BCAR3: variants seen among roughly 807,000 people sequenced by gnomAD.
BCAR3 encodes the protein BCAR3 adaptor protein, NSP family member.
In BCAR3, 37 loss-of-function variants were observed where a neutral mutation model predicts 80.1. That is an observed-to-expected ratio of 0.46 (90% CI 0.36 to 0.61). BCAR3 has a LOEUF of 0.61. Ranked by LOEUF, BCAR3 falls within the 20% of genes least tolerant of loss-of-function variation. BCAR3 has a pLI of 0.00. For missense variants in BCAR3, 978 were observed against 1,068.2 expected (o/e 0.92, Z 1.18); for synonymous variants, 389 against 418.9 (o/e 0.93, Z 0.87).
chr1:93,755,355 A>T (rs535356690), intron 2 of BCAR3, among the ~76,000 whole-genome samples: 35 of 152,100 alleles, frequency 2.3e-4, no homozygotes, highest in Non-Finnish European at 4.6e-4. Flanking sequence ...CTTCACATTC[A>T]CTCACCACTC....
At position 93,788,504 on chromosome 1, in the gene BCAR3, G is replaced by T. The variant is rs374173381; in HGVS notation, c.-63+57063C>A. The stretch of plus-strand genomic sequence containing the variant: ...TAGCATTTCTTATAGCAGTGGTTTG[G>T]TAGTGGCAAATTCTTTCAGCATTTG... On this transcript the variant is annotated intron_variant, in intron 2 of 13. Transcript: ENST00000370244. Among the ~76,000 whole-genome samples the T allele has an allele frequency of 2.6e-4, 40 of 152,278 alleles. 3 individuals carry two copies. Among genetic ancestry groups the T allele is most frequent in the Admixed American group, 1.2e-3 (19 of 15,304 alleles).
intron 2 of BCAR3, among the ~76,000 whole-genome samples, chr1:93,778,964 G>A (rs1256058209): frequency 6.6e-6 from 1 of 152,134 alleles, no homozygotes; most frequent in African/African-American, 2.4e-5. Context: ...GTGGGGTCAT[G>A]GTAGGAGCTC....
At chr1:93,703,024 C>T (rs980086037) in intron 3 of BCAR3, among the ~76,000 whole-genome samples, 4 of 152,144 alleles carry the variant, frequency 2.6e-5, no homozygotes, top group Non-Finnish European at 4.4e-5. Context: ...GCCACCGCGG[C>T]CTGTGCTAGG....
intron 2 of BCAR3, among the ~76,000 whole-genome samples, chr1:93,829,105 A>T (rs1474309042): frequency 6.6e-6 from 1 of 152,180 alleles, no homozygotes; most frequent in African/African-American, 2.4e-5. Flanking sequence ...CAGGTCACCC[A>T]AAAGAGGGTC....
chr1:93,771,801 G>A (rs1652364370), intron 2 of BCAR3, among the ~76,000 whole-genome samples: 3 of 152,110 alleles, frequency 2.0e-5, no homozygotes, highest in Admixed American at 6.5e-5. Flanking sequence ...TGCTCCTTGG[G>A]TCACCAGGAA....
At chr1:93,683,238 T>C (rs2101958216), upstream of BCAR3, among the ~76,000 whole-genome samples, 1 of 152,294 alleles carries the variant, frequency 6.6e-6, no homozygotes, top group South Asian at 2.1e-4. Context: ...AATAAACATA[T>C]GGAAAATATC....
intron 4 of BCAR3, among the ~76,000 whole-genome samples, chr1:93,591,796 G>C (rs1213788891): frequency 6.6e-6 from 1 of 152,198 alleles, no homozygotes; most frequent in African/African-American, 2.4e-5. Flanking sequence ...TGGAGAGTGT[G>C]AATAACTGCC....
intron 2 of BCAR3, among the ~76,000 whole-genome samples, chr1:93,831,674 A>G (rs1021684647): frequency 6.6e-6 from 1 of 151,312 alleles, no homozygotes; most frequent in Admixed American, 6.6e-5. Context: ...TTTTCTATGG[A>G]CTCATCTGAC....
intron 2 of BCAR3, chr1:93,753,705 C>G (rs1385244615): frequency 6.6e-6 from 1 of 152,142 alleles, no homozygotes; most frequent in Non-Finnish European, 1.5e-5. Flanking sequence ...AGAGCATCTA[C>G]TTGCTGCCAT....
chr1:93,565,337 A>AATAC (rs1672900502), intron 11 of BCAR3, among the ~76,000 whole-genome samples: 1 of 152,106 alleles, frequency 6.6e-6, no homozygotes, highest in African/African-American at 2.4e-5. Flanking sequence ...AAGTGCTGGG[A>AATAC]ATACAGGCAT....
intron 3 of BCAR3, among the ~76,000 whole-genome samples, chr1:93,619,502 C>T (rs1453677175): frequency 6.6e-6 from 1 of 152,214 alleles, no homozygotes; most frequent in Non-Finnish European, 1.5e-5. Context: ...ACACCTGGAG[C>T]AATCACTTAC....
chr1:93,831,413 C>T (rs1373779825), intron 2 of BCAR3, among the ~76,000 whole-genome samples: 3 of 152,138 alleles, frequency 2.0e-5, no homozygotes, highest in Non-Finnish European at 2.9e-5. Flanking sequence ...CCACTTGACC[C>T]CAGTACAAAC....
intron 2 of BCAR3, among the ~76,000 whole-genome samples, chr1:93,828,171 G>A (rs1480640903): frequency 6.6e-6 from 1 of 152,110 alleles, no homozygotes; most frequent in African/African-American, 2.4e-5. Flanking sequence ...ATGACAGCAT[G>A]TGCCTGTAGT....
At chr1:93,841,453 A>T (rs1192842734) in intron 2 of BCAR3, among the ~76,000 whole-genome samples, 1 of 152,214 alleles carries the variant, frequency 6.6e-6, no homozygotes, top group Non-Finnish European at 1.5e-5. Context: ...GCCTTTGTTT[A>T]GCCATCTCAA....
chr1:93,667,794 C>A (rs757890264), intron 2 of BCAR3, among the ~76,000 whole-genome samples: 24 of 152,214 alleles, frequency 1.6e-4, no homozygotes, highest in Non-Finnish European at 3.2e-4. Context: ...CGAAGCATGA[C>A]CTGAGGGCAT....
chr1:93,674,222 G>T (rs947387396), intron 2 of BCAR3, among the ~76,000 whole-genome samples: 3 of 152,172 alleles, frequency 2.0e-5, no homozygotes, highest in African/African-American at 4.8e-5. Context: ...AGGTGCATGG[G>T]AGTTAATTAT....
At chr1:93,591,304 G>A (rs908924023) in intron 4 of BCAR3, among the ~76,000 whole-genome samples, 2 of 151,612 alleles carry the variant, frequency 1.3e-5, no homozygotes, top group African/African-American at 2.4e-5. Context: ...GTGAAACCCC[G>A]TCTCTACTAA....
chr1:93,714,315 A>T (rs1336545213), intron 2 of BCAR3, among the ~76,000 whole-genome samples: 5 of 152,164 alleles, frequency 3.3e-5, no homozygotes, highest in African/African-American at 1.2e-4. Flanking sequence ...TAATACACTG[A>T]AATGTATTTC....
At chr1:93,591,838 C>T (rs1674212325) in intron 4 of BCAR3, among the ~76,000 whole-genome samples, 1 of 152,170 alleles carries the variant, frequency 6.6e-6, no homozygotes. Context: ...CCTTGTTGAT[C>T]TGGGCCACCT....
Sources: gnomAD v4.1 joint callset for allele counts (sites outside exome capture counted in the v4.1 genomes callset) on GRCh38, gnomAD v4.1.1 for gene constraint, MANE v1.5 for transcripts, NCBI Gene and HGNC (gene_info 2026-07-23, HGNC 2026-07-21) for gene names.